The following NEBL variants were observed in gnomAD, a reference collection of about 807,000 sequenced individuals.
NEBL encodes LIM and SH3 protein 2.
In NEBL, 122 loss-of-function variants were observed where a neutral mutation model predicts 140.2. The observed-to-expected ratio is 0.87, with a 90% CI of 0.75 to 1.01. The LOEUF (loss-of-function observed/expected upper bound fraction) is 1.01, where lower values mean the gene tolerates loss of function less well. NEBL is among the 50% of genes least tolerant of loss of function. The pLI is 0.00. For synonymous variants in NEBL, 436 were observed against 398.9 expected, an observed-to-expected ratio of 1.09 and a Z score of -1.11; for missense variants, 1,365 against 1,231.3, an observed-to-expected ratio of 1.11 and a Z score of -1.62.
At chr10:21,152,923 A>C (rs960235652) in intron 2 of NEBL, among the ~76,000 whole-genome samples, 4 of 152,096 alleles carry the variant, frequency 2.6e-5, no homozygotes, top group Admixed American at 6.6e-5. Context: ...CCCATAGAAA[A>C]CCAGCACCAC....
chr10:21,132,660 C>T (rs1839166278), intron 2 of NEBL, among the ~76,000 whole-genome samples: 1 of 152,128 alleles, frequency 6.6e-6, no homozygotes, highest in African/African-American at 2.4e-5. Flanking sequence ...TATTGTCCAC[C>T]TTTTTCACTA....
chr10:20,929,104 G>A (rs1041449316), intron 4 of NEBL, among the ~76,000 whole-genome samples: 8 of 151,898 alleles, frequency 5.3e-5, no homozygotes, highest in Admixed American at 4.6e-4. Context: ...CAGCAATCCC[G>A]CTACTGGGTA....
chr10:20,875,724 G>A (rs566512826), intron 5 of NEBL, among the ~76,000 whole-genome samples: 100 of 151,978 alleles, frequency 6.6e-4, no homozygotes, highest in Middle Eastern at 3.4e-3. Flanking sequence ...GTGATAGCCA[G>A]CCAGCCAGCC....
At chr10:20,853,173 A>G (rs1842714047) in intron 9 of NEBL, among the ~76,000 whole-genome samples, 1 of 152,212 alleles carries the variant, frequency 6.6e-6, no homozygotes, top group Admixed American at 6.5e-5. Context: ...GAAATAAGCA[A>G]CTATTGTTCC....
intron 2 of NEBL, among the ~76,000 whole-genome samples, chr10:21,056,298 T>C (rs1272038996): frequency 6.6e-6 from 1 of 152,140 alleles, no homozygotes; most frequent in East Asian, 1.9e-4. Context: ...TAATATAGAG[T>C]ACTTCAAAGA....
chr10:20,866,483 C>G (rs1844304099), intron 7 of NEBL, among the ~76,000 whole-genome samples: 1 of 152,166 alleles, frequency 6.6e-6, no homozygotes, highest in Admixed American at 6.6e-5. Context: ...AATCAATACA[C>G]ATTGACCCAT....
chr10:20,928,574 G>A (rs60953894), intron 4 of NEBL, among the ~76,000 whole-genome samples: 2,881 of 152,272 alleles, frequency 0.019, 76 homozygotes, highest in African/African-American at 0.065. Flanking sequence ...GAAGCAATCC[G>A]TTGTGGGTGT....
intron 4 of NEBL, among the ~76,000 whole-genome samples, chr10:20,933,414 T>C (rs915219493): frequency 6.6e-6 from 1 of 151,578 alleles, no homozygotes; most frequent in Non-Finnish European, 1.5e-5. Flanking sequence ...CTCTCAGGAG[T>C]GGCAGGTAAA....
At chr10:21,099,447 T>A (rs1197576184) in intron 2 of NEBL, among the ~76,000 whole-genome samples, 1 of 152,190 alleles carries the variant, frequency 6.6e-6, no homozygotes, top group Non-Finnish European at 1.5e-5. Context: ...TCAGTATCTC[T>A]GTCTCATCAG....
chr10:20,831,238 T>C lies in NEBL; in HGVS notation c.1629A>G (p.Pro543=). Residue 543 remains proline (P), a synonymous_variant, in exon 16 of 28, where the codon CCA becomes CCG. Transcript: ENST00000377122. ...ATGTCCTCTTGGCTCGAAGGATATC[T>C]GGGATATCCATGCTCACTTGCATTC... is the stretch of plus-strand genomic sequence containing the variant. ...GKGMQVSMDI[P]DILRAKRTSE... 6.2e-7 allele frequency: 1 copy of C among 1,613,616 alleles called. No individual in the cohort carries two copies. Among genetic ancestry groups the C allele is most frequent in the Non-Finnish European group, 8.5e-7 (1 of 1,179,734 alleles).
chr10:20,920,528 A>G (rs908421999), intron 4 of NEBL, among the ~76,000 whole-genome samples: 2 of 152,228 alleles, frequency 1.3e-5, no homozygotes, highest in East Asian at 1.9e-4. Context: ...AGCAAAGTAC[A>G]AAAGAGTGTG....
intron 2 of NEBL, among the ~76,000 whole-genome samples, chr10:21,140,524 T>A (rs143324240): frequency 9.8e-5 from 15 of 152,316 alleles, no homozygotes; most frequent in African/African-American, 3.1e-4. Flanking sequence ...TTAATGGGAA[T>A]ATAGTCTGTC....
At chr10:20,915,579 A>G (rs1469836619) in intron 4 of NEBL, among the ~76,000 whole-genome samples, 1 of 151,812 alleles carries the variant, frequency 6.6e-6, no homozygotes, top group Admixed American at 6.6e-5. Context: ...TACAAAGGAC[A>G]TGAACTCATC....
At chr10:21,216,952 C>G (rs1473965299) in intron 3 of NEBL, among the ~76,000 whole-genome samples, 5 of 151,826 alleles carry the variant, frequency 3.3e-5, no homozygotes, top group Admixed American at 3.3e-4. Flanking sequence ...CGCGCCACTG[C>G]ACTCCAGCCT....
chr10:21,210,454 T>C (rs1488188464), intron 3 of NEBL, among the ~76,000 whole-genome samples: 1 of 152,140 alleles, frequency 6.6e-6, no homozygotes, highest in Non-Finnish European at 1.5e-5. Flanking sequence ...GTCCAATACA[T>C]ATACTTCTAA....
chr10:21,033,937 G>A (rs570470941), intron 2 of NEBL, among the ~76,000 whole-genome samples: 48 of 151,636 alleles, frequency 3.2e-4, no homozygotes, highest in African/African-American at 9.2e-4. Flanking sequence ...AGGCCGAGGC[G>A]GGTGGATTGC....
At chr10:21,257,727 T>C (rs1842677667) in intron 1 of NEBL, among the ~76,000 whole-genome samples, 1 of 151,852 alleles carries the variant, frequency 6.6e-6, no homozygotes, top group Admixed American at 6.6e-5. Flanking sequence ...CTACTAAAAA[T>C]ACAAAAAACT....
chr10:21,182,000 G>A (rs946442312), intron 3 of NEBL, among the ~76,000 whole-genome samples: 1 of 152,110 alleles, frequency 6.6e-6, no homozygotes, highest in African/African-American at 2.4e-5. Flanking sequence ...TGGGGCACAG[G>A]GACCGCCCAT....
intron 3 of NEBL, among the ~76,000 whole-genome samples, chr10:21,198,004 C>T (rs1257736178): frequency 2.0e-5 from 3 of 152,026 alleles, no homozygotes; most frequent in African/African-American, 7.3e-5. Context: ...CCCTCAGCCA[C>T]CCTGCAATCA....
Sources: gnomAD v4.1 joint callset for allele counts (sites outside exome capture counted in the v4.1 genomes callset) on GRCh38, gnomAD v4.1.1 for gene constraint, MANE v1.5 for transcripts, NCBI Gene and HGNC (gene_info 2026-07-23, HGNC 2026-07-21) for gene names.